Variants in SPECC1 observed in about 807,000 individuals in gnomAD.
SPECC1 encodes cytospin-B.
In SPECC1, 62 loss-of-function variants were observed where a neutral mutation model predicts 104.1. The ratio of observed to expected loss-of-function variants is 0.60; its 90% CI spans 0.49 to 0.74. The LOEUF is 0.74. SPECC1 is among the 30% of genes least tolerant of loss of function. The probability of loss-of-function intolerance (pLI) is 0.00; values close to 1 mark genes in which losing one functional copy is unlikely to be tolerated. For missense variants in SPECC1, 1,306 were observed against 1,310.5 expected, an observed-to-expected ratio of 1.00 and a Z score of 0.05; for synonymous variants, 513 against 501.6, an observed-to-expected ratio of 1.02 and a Z score of -0.30.
At chr17:20,250,264 T>C (rs547099166) in intron 9 of SPECC1, among the ~76,000 whole-genome samples, 144 of 152,250 alleles carry the variant, frequency 9.5e-4, no homozygotes, top group African/African-American at 3.5e-3. Flanking sequence ...ATGCTTTGAG[T>C]CCAACAAAAC....
intron 3 of SPECC1, among the ~76,000 whole-genome samples, chr17:20,190,360 C>T (rs1476941715): frequency 1.3e-5 from 2 of 151,306 alleles, no homozygotes; most frequent in African/African-American, 2.4e-5. Flanking sequence ...AAATAATGAA[C>T]CAGGACAAGG....
At chr17:20,257,670 T>G in intron 11 of SPECC1, 63 bp downstream of exon 11, 3 of 1,584,612 alleles carry the variant, frequency 1.9e-6, no homozygotes, top group Non-Finnish European at 2.6e-6. Flanking sequence ...TTATTCTTCC[T>G]TCCGTTTTGT....
intron 3 of SPECC1, among the ~76,000 whole-genome samples, chr17:20,115,488 A>AATAC (rs2048710700): frequency 6.6e-6 from 1 of 151,980 alleles, no homozygotes; most frequent in African/African-American, 2.4e-5. Flanking sequence ...TAAATAAATA[A>AATAC]ATAAATAAAA....
intron 1 of SPECC1, among the ~76,000 whole-genome samples, chr17:20,028,244 T>C (rs2044673280): frequency 6.8e-6 from 1 of 147,398 alleles, no homozygotes; most frequent in African/African-American, 2.5e-5. Flanking sequence ...CGCAGCACTT[T>C]AGTGTGATGG....
intron 1 of SPECC1, among the ~76,000 whole-genome samples, chr17:20,068,883 C>T (rs1043762154): frequency 6.6e-6 from 1 of 152,158 alleles, no homozygotes; most frequent in Admixed American, 6.5e-5. Context: ...GAGATCTTTA[C>T]ACATTCTAGA....
chr17:20,306,053 G>A lies in SPECC1; in HGVS notation c.3088G>A (p.Ala1030Thr). The A allele has an allele frequency of 1.2e-6, 2 of 1,613,826 alleles. No homozygotes were observed. Among genetic ancestry groups the A allele is most frequent in the South Asian group, 1.1e-5 (1 of 91,032 alleles). Residue 1030 changes from alanine (A) to threonine (T), a missense_variant, in exon 14 of 15, where the codon GCT becomes ACT. Ala to Thr is a moderately conservative substitution (Grantham distance 58). Around this residue, in one of 2 missense-constraint regions of SPECC1, gnomAD observed 129 missense variants for 170.6 expected, o/e 0.76. Transcript: ENST00000395527. The stretch of plus-strand genomic sequence containing the variant: ...GAATCTCTTGTTGGCATTTGAAGCG[G>A]CTGAAAGTGTAGGCATCAAACCCAG... Reference protein sequence around the residue: ...KRNLLLAFEAAESVGIKPSLE... With the variant: ...KRNLLLAFEATESVGIKPSLE...
At chr17:20,161,436 T>C (rs1464907108) in intron 3 of SPECC1, among the ~76,000 whole-genome samples, 1 of 152,144 alleles carries the variant, frequency 6.6e-6, no homozygotes, top group Admixed American at 6.6e-5. Context: ...CCATAATTAG[T>C]ATTAGTAAGT....
chr17:20,235,347 T>C (rs955812648), intron 7 of SPECC1, among the ~76,000 whole-genome samples: 1 of 152,200 alleles, frequency 6.6e-6, no homozygotes, highest in African/African-American at 2.4e-5. Flanking sequence ...TGGACACATA[T>C]AATGTAATAG....
chr17:20,239,878 GTTTTTTTTTTTTTTTTTTTTTT>G (rs60216339), intron 7 of SPECC1, among the ~76,000 whole-genome samples: 1 of 36,912 alleles, frequency 2.7e-5, no homozygotes, highest in Non-Finnish European at 4.4e-5. Flanking sequence ...ATTTCGCTGA[GTTTTTTTTTTTTTTTTTTTTTT>G]TTTTTTTTTT....
chr17:20,248,781 A>G (rs1029516285), intron 9 of SPECC1, among the ~76,000 whole-genome samples: 2 of 152,018 alleles, frequency 1.3e-5, no homozygotes, highest in Non-Finnish European at 2.9e-5. Flanking sequence ...ATGTAATTGT[A>G]TTACCTTTTT....
At chr17:20,082,909 T>C (rs189931807) in intron 1 of SPECC1, among the ~76,000 whole-genome samples, 37 of 152,238 alleles carry the variant, frequency 2.4e-4, no homozygotes, top group African/African-American at 8.4e-4. Context: ...TCACACACCA[T>C]AGCCTGTTAG....
intron 3 of SPECC1, among the ~76,000 whole-genome samples, chr17:20,181,761 A>T (rs1403281118): frequency 6.6e-6 from 1 of 152,184 alleles, no homozygotes; most frequent in African/African-American, 2.4e-5. Flanking sequence ...ACGTGAAAAA[A>T]AAATTCAATT....
At chr17:20,177,749 G>A (rs1001940593) in intron 3 of SPECC1, among the ~76,000 whole-genome samples, 5 of 151,562 alleles carry the variant, frequency 3.3e-5, no homozygotes, top group African/African-American at 9.7e-5. Context: ...TTTCTCTGTC[G>A]CCCAGGCTGG....
At chr17:20,156,237 G>A in intron 3 of SPECC1, 4 of 1,373,294 alleles carry the variant, frequency 2.9e-6, no homozygotes, top group Non-Finnish European at 3.8e-6. Context: ...CCGGAACCAG[G>A]TCTGTGCGGC....
rs115231163 is a variant in SPECC1 at position 20,227,469 on chromosome 17, G to A, written c.1920G>A (p.Leu640=). The A allele has an allele frequency of 1.2e-3, 1,859 of 1,613,828 alleles. 20 individuals are homozygous for A. The African/African-American group carries it at 0.022, about 19-fold the overall frequency. Residue 640 remains leucine, a synonymous_variant, in exon 5 of 15, where the codon CTG becomes CTA. Transcript: ENST00000395527. ...TATGTGATCACCAAGCCGAACAGCT[G>A]AGCAGAACCAGCCTAAAGCTGCAAG... ...KEICDHQAEQ[L]SRTSLKLQEK...
chr17:20,180,199 A>G (rs561887150), intron 3 of SPECC1, among the ~76,000 whole-genome samples: 40 of 152,350 alleles, frequency 2.6e-4, no homozygotes, highest in Non-Finnish European at 4.3e-4. Flanking sequence ...GTAATATCAA[A>G]TTAGCAAAAG....
At chr17:20,227,677 G>T in intron 5 of SPECC1, 57 bp downstream of exon 5, 1 of 1,514,680 alleles carries the variant, frequency 6.6e-7, no homozygotes, top group South Asian at 1.2e-5. Context: ...CACTTTGGGA[G>T]GCTGAGGCAG....
chr17:20,043,411 A>G (rs1434033904), intron 1 of SPECC1, among the ~76,000 whole-genome samples: 1 of 152,204 alleles, frequency 6.6e-6, no homozygotes, highest in Non-Finnish European at 1.5e-5. Flanking sequence ...TAATTTTTCT[A>G]ATTCTCTCAT....
At chr17:20,135,848 TGAG>T (rs1224286837) in intron 3 of SPECC1, among the ~76,000 whole-genome samples, 2 of 152,154 alleles carry the variant, frequency 1.3e-5, no homozygotes, top group African/African-American at 4.8e-5. Flanking sequence ...AATGCAGTAA[TGAG>T]AAGACCATAA....
Sources: gnomAD v4.1 joint callset for allele counts (sites outside exome capture counted in the v4.1 genomes callset) on GRCh38, gnomAD v4.1.1 for gene constraint, gnomAD v4.1.1 regional missense constraint, MANE v1.5 for transcripts, NCBI Gene and HGNC (gene_info 2026-07-23, HGNC 2026-07-21) for gene names.